The following CHST9 variants were observed in gnomAD, a reference collection of about 807,000 sequenced individuals.
CHST9 encodes the protein GalNAc-4-sulfotransferase 2.
Under a neutral mutation model 44.4 loss-of-function variants are expected in CHST9, and 41 were observed. The observed-to-expected ratio is 0.92, with a 90% CI of 0.72 to 1.20. The LOEUF (loss-of-function observed/expected upper bound fraction) is 1.20, where lower values mean the gene tolerates loss of function less well. Among genes scored for constraint, CHST9 ranks in the 50% most tolerant of loss-of-function variants. The pLI is 0.00. For synonymous variants in CHST9, 171 were observed against 178.4 expected (o/e 0.96, Z 0.33); for missense variants, 504 against 516.5 (o/e 0.98, Z 0.23).
At chr18:27,137,723 T>C (rs1041397143) in intron 2 of CHST9, among the ~76,000 whole-genome samples, 5 of 152,200 alleles carry the variant, frequency 3.3e-5, no homozygotes, top group Admixed American at 2.6e-4. Flanking sequence ...TGAATTCTTA[T>C]CTAAAGCTGA....
intron 2 of CHST9, among the ~76,000 whole-genome samples, chr18:27,100,705 C>T (rs568606789): frequency 2.8e-4 from 42 of 152,292 alleles, no homozygotes; most frequent in Non-Finnish European, 5.6e-4. Flanking sequence ...AGAGCTCAGT[C>T]ATGACTAGAA....
chr18:27,085,525 A>G (rs937979387), intron 2 of CHST9, among the ~76,000 whole-genome samples: 2 of 152,136 alleles, frequency 1.3e-5, no homozygotes, highest in African/African-American at 4.8e-5. Context: ...AAAATGCTCA[A>G]AATCACTAAT....
chr18:27,002,678 T>G (rs1039779785), intron 4 of CHST9, among the ~76,000 whole-genome samples: 1 of 152,196 alleles, frequency 6.6e-6, no homozygotes, highest in Admixed American at 6.5e-5. Context: ...AAATGCATTT[T>G]CAATTTATGA....
At chr18:26,989,869 G>C (rs1398669131) in intron 4 of CHST9, among the ~76,000 whole-genome samples, 1 of 152,116 alleles carries the variant, frequency 6.6e-6, no homozygotes, top group Non-Finnish European at 1.5e-5. Flanking sequence ...AGAATGGCTT[G>C]AACCTGGGAG....
At chr18:26,937,735 T>G (rs1598575253) in intron 5 of CHST9, among the ~76,000 whole-genome samples, 1 of 152,316 alleles carries the variant, frequency 6.6e-6, no homozygotes, top group East Asian at 1.9e-4. Context: ...GGGTCACTGT[T>G]GTGAGGTTTA....
chr18:27,138,932 A>G (rs1440807468), intron 2 of CHST9, among the ~76,000 whole-genome samples: 3 of 152,228 alleles, frequency 2.0e-5, no homozygotes, highest in Admixed American at 1.3e-4. Flanking sequence ...AACATACTGC[A>G]AATTAGCACT....
At chr18:26,987,809 C>A (rs192628296) in intron 4 of CHST9, among the ~76,000 whole-genome samples, 90 of 152,250 alleles carry the variant, frequency 5.9e-4, no homozygotes, top group African/African-American at 2.1e-3. Context: ...AGCTTCCTTG[C>A]CCTTTCCACC....
intron 2 of CHST9, among the ~76,000 whole-genome samples, chr18:27,081,749 A>G (rs1017971208): frequency 1.3e-5 from 2 of 152,344 alleles, no homozygotes; most frequent in Non-Finnish European, 2.9e-5. Flanking sequence ...AATGAAAAAA[A>G]TGTTACAAAG....
chr18:26,950,891 C>A (rs1231699523), intron 4 of CHST9, among the ~76,000 whole-genome samples: 1 of 152,156 alleles, frequency 6.6e-6, no homozygotes, highest in Non-Finnish European at 1.5e-5. Context: ...TTAAAGCTAA[C>A]TTTCAGGATA....
chr18:27,111,748 T>C (rs575549830), intron 2 of CHST9, among the ~76,000 whole-genome samples: 6 of 152,282 alleles, frequency 3.9e-5, no homozygotes, highest in South Asian at 2.1e-4. Context: ...TTAGCACTTG[T>C]ATTGGCAGAC....
chr18:27,098,678 C>G (rs920839281), intron 2 of CHST9, among the ~76,000 whole-genome samples: 1 of 152,082 alleles, frequency 6.6e-6, no homozygotes, highest in Non-Finnish European at 1.5e-5. Flanking sequence ...TAGAAGCCAT[C>G]ATTCTCAGCA....
chr18:27,041,946 C>A (rs369039608), intron 3 of CHST9, among the ~76,000 whole-genome samples: 1 of 152,000 alleles, frequency 6.6e-6, no homozygotes, highest in Non-Finnish European at 1.5e-5. Context: ...GTTCCGAAAC[C>A]ATAAACCCAG....
Position 26,916,006 on chromosome 18 carries a change from C to CAAT in CHST9, c.*250_*252dup. On this transcript the variant is annotated 3_prime_UTR_variant, in exon 6 of 6. Transcript: ENST00000618847. ...ACAGCTGGCTAGGTTATTGCTTCAA[C>CAAT]AATATAATTCATAATGCAAAAGCAG... is the stretch of plus-strand genomic sequence containing the variant. The CAAT allele has an allele frequency of 3.1e-6, 1 of 322,410 alleles. No homozygotes were observed. The highest frequency in any genetic ancestry group is 5.7e-6 in the Non-Finnish European group (1 of 174,746). 20.0% of individuals were successfully genotyped at this position (322,410 alleles called of 1,614,324 possible).
At chr18:27,151,765 G>A (rs2058661395) in intron 1 of CHST9, among the ~76,000 whole-genome samples, 1 of 152,138 alleles carries the variant, frequency 6.6e-6, no homozygotes, top group East Asian at 1.9e-4. Flanking sequence ...AAAAAGACAA[G>A]GAAACAGATT....
chr18:26,993,928 C>T (rs960091532), intron 4 of CHST9, among the ~76,000 whole-genome samples: 2 of 152,200 alleles, frequency 1.3e-5, no homozygotes, highest in East Asian at 1.9e-4. Context: ...CGGCAGGGCA[C>T]GTTTCATTCT....
intron 2 of CHST9, among the ~76,000 whole-genome samples, 161 bp from the exon 3 acceptor site, chr18:27,048,664 A>G (rs2057532373): frequency 6.6e-6 from 1 of 152,172 alleles, no homozygotes; most frequent in Non-Finnish European, 1.5e-5. Flanking sequence ...AGGCATAAGA[A>G]CTGCTTACAA....
At position 26,975,649 on chromosome 18, in the gene CHST9, G is replaced by GTGTATA. The variant is rs1555673308; in HGVS notation, c.203-31284_203-31283insTATACA. 4.8e-4 allele frequency among the ~76,000 whole-genome samples: 61 copies of GTGTATA among 126,908 alleles called. No individual in the cohort carries two copies. In the South Asian group the frequency reaches 9.7e-3, roughly 20 times the overall value. 83.3% of individuals were successfully genotyped at this position (126,908 alleles called of 152,430 possible). On this transcript the variant is annotated intron_variant, in intron 4 of 5. Coordinates refer to ENST00000618847, the MANE Select transcript of CHST9 (RefSeq NM_031422.6). Reference sequence around the variant, plus strand: ...CTGAACAGTATTCCAATGTATGTGTGTATATATATATATATATATAAATAT... The same window carrying GTGTATA: ...CTGAACAGTATTCCAATGTATGTGTGTGTATATATATATATATATATATATAAATAT...
intron 4 of CHST9, among the ~76,000 whole-genome samples, chr18:27,015,552 C>T (rs1007891999): frequency 6.6e-6 from 1 of 152,048 alleles, no homozygotes; most frequent in African/African-American, 2.4e-5. Flanking sequence ...CCTCTCCTGG[C>T]GACTCTGTGT....
intron 5 of CHST9, among the ~76,000 whole-genome samples, chr18:26,937,154 CA>C (rs960469497): frequency 6.6e-6 from 1 of 152,126 alleles, no homozygotes; most frequent in African/African-American, 2.4e-5. Flanking sequence ...CGGATTATGC[CA>C]ATGTATACTT....
Sources: gnomAD v4.1 joint callset for allele counts (sites outside exome capture counted in the v4.1 genomes callset) on GRCh38, gnomAD v4.1.1 for gene constraint, MANE v1.5 for transcripts, NCBI Gene and HGNC (gene_info 2026-07-23, HGNC 2026-07-21) for gene names.